TANK: variants seen among roughly 807,000 people sequenced by gnomAD.
TANK encodes TRAF family member-associated NF-kappa-B activator.
TANK carries 15 observed loss-of-function variants against 43.6 expected under a neutral mutation model. The observed-to-expected ratio is 0.34, with a 90% CI of 0.23 to 0.53. The LOEUF is 0.53. Ranked by LOEUF, TANK falls within the 20% of genes least tolerant of loss-of-function variation. The probability of loss-of-function intolerance (pLI) is 0.94; values close to 1 mark genes in which losing one functional copy is unlikely to be tolerated. For missense variants in TANK, 417 were observed against 498.6 expected (o/e 0.84, Z 1.56); for synonymous variants, 162 against 178.2 (o/e 0.91, Z 0.73).
chr2:161,168,599 G>A (rs925688955), intron 1 of TANK, among the ~76,000 whole-genome samples: 2 of 152,172 alleles, frequency 1.3e-5, no homozygotes, highest in Admixed American at 6.5e-5. Flanking sequence ...TTGGGAGGCC[G>A]AGGCAGGCAG....
chr2:161,179,954 G>T (rs1685347726), intron 2 of TANK, 193 bp downstream of exon 2: 1 of 1,263,570 alleles, frequency 7.9e-7, no homozygotes, highest in African/African-American at 1.5e-5. Context: ...CAACCCATAG[G>T]AAGAGTTGAT....
chr2:161,207,976 G>C, intron 4 of TANK: 4 of 876,048 alleles, frequency 4.6e-6, no homozygotes, highest in Non-Finnish European at 4.1e-6. Flanking sequence ...AATTGGCCTA[G>C]CTTCTATAAT....
chr2:161,201,592 G>T (rs1686415244), intron 2 of TANK, among the ~76,000 whole-genome samples: 1 of 152,190 alleles, frequency 6.6e-6, no homozygotes, highest in Admixed American at 6.5e-5. Flanking sequence ...TGTTTGTGAA[G>T]AACTTTGAGT....
intron 2 of TANK, among the ~76,000 whole-genome samples, chr2:161,186,451 C>T (rs1195368866): frequency 6.6e-6 from 1 of 152,122 alleles, no homozygotes. Flanking sequence ...CAAGGGCAGT[C>T]TCTTCAATAA....
chr2:161,179,806 G>T lies in TANK; in HGVS notation c.99+45G>T, dbSNP rs774219628. The T allele has an allele frequency of 1.0e-5, 16 of 1,567,720 alleles. No individual in the cohort carries two copies. In the South Asian group the frequency reaches 1.9e-4, roughly 19 times the overall value. ...AAAGTTATTCTTTATCTTGGTACAT[G>T]GAATTTTAGAGCCTTTTGCATCTGA... On this transcript the variant is annotated intron_variant, in intron 2 of 7. Coordinates refer to ENST00000392749, the MANE Select transcript of TANK (RefSeq NM_001199135.3).
chr2:161,198,003 G>A (rs753849045), intron 2 of TANK, among the ~76,000 whole-genome samples: 28 of 152,120 alleles, frequency 1.8e-4, no homozygotes, highest in Non-Finnish European at 3.1e-4. Context: ...CCTTGTTCCA[G>A]CATCAACTTT....
chr2:161,203,692 A>C, intron 3 of TANK, 97 bp downstream of exon 3: 14 of 710,356 alleles, frequency 2.0e-5, no homozygotes, highest in Non-Finnish European at 2.4e-5. Context: ...GTTGTTTCTC[A>C]ATAGTTTTGA....
At chr2:161,157,859 T>C (rs1485042357), upstream of TANK, among the ~76,000 whole-genome samples, 1 of 152,134 alleles carries the variant, frequency 6.6e-6, no homozygotes, top group Non-Finnish European at 1.5e-5. Context: ...AATTTTTGTA[T>C]TTTCAGCAGA....
chr2:161,224,594 T>G, intron 5 of TANK, 37 bp from the exon 6 acceptor site: 1 of 1,039,630 alleles, frequency 9.6e-7, no homozygotes, highest in South Asian at 1.8e-5. Flanking sequence ...TTGGAAGTTA[T>G]AGCTTTACAT....
intron 4 of TANK, among the ~76,000 whole-genome samples, chr2:161,206,073 G>A (rs75930662): frequency 0.041 from 6,185 of 152,084 alleles, 262 homozygotes; most frequent in East Asian, 0.18. Context: ...CTAGAATTGG[G>A]GAGAAAAGAG....
chr2:161,161,223 G>A (rs1020454152), intron 1 of TANK: 16 of 1,542,372 alleles, frequency 1.0e-5, no homozygotes, highest in Non-Finnish European at 1.4e-5. Context: ...TTATTGTTAT[G>A]CTATAACGAG....
chr2:161,160,335 C>G (rs950217492), upstream of TANK: 3 of 923,314 alleles, frequency 3.2e-6, no homozygotes, highest in Admixed American at 4.3e-5. Flanking sequence ...GCGGAAGGGC[C>G]CTGGCCTTGT....
Position 161,230,938 on chromosome 2 carries a change from G to A in TANK, c.521-33G>A, listed in dbSNP as rs778220664. On this transcript the variant is annotated intron_variant, in intron 6 of 7. Transcript: ENST00000392749. The stretch of plus-strand genomic sequence containing the variant: ...CAGATTTTTTTAATGATTTGAATGC[G>A]GCTGTTTCTCTTTTGTGTTCTTCTC... 44 of 1,506,832 alleles carry A rather than the reference G, an allele frequency of 2.9e-5. No individual in the cohort carries two copies. The East Asian group carries it at 7.7e-4, about 26-fold the overall frequency. The allele number at this position is 1,506,832 out of a possible 1,614,324, so 93.3% of individuals were successfully genotyped here.
chr2:161,140,355 TA>T (rs1305326966), intron 1 of TANK, among the ~76,000 whole-genome samples: 1 of 152,180 alleles, frequency 6.6e-6, no homozygotes, highest in Non-Finnish European at 1.5e-5. Flanking sequence ...GCTTAGAAAT[TA>T]CTCTTTTTAA....
intron 2 of TANK, chr2:161,203,110 A>G: frequency 4.1e-6 from 1 of 242,426 alleles, no homozygotes; most frequent in Non-Finnish European, 8.2e-6. Flanking sequence ...TTTTTAAGTT[A>G]GTATGTATTT....
At chr2:161,168,400 C>T (rs1451163880) in intron 1 of TANK, among the ~76,000 whole-genome samples, 2 of 152,002 alleles carry the variant, frequency 1.3e-5, no homozygotes, top group East Asian at 3.8e-4. Context: ...TTTCCAAGAA[C>T]TGAAGGAGGA....
At chr2:161,170,421 G>A (rs1369554902) in intron 1 of TANK, among the ~76,000 whole-genome samples, 2 of 152,142 alleles carry the variant, frequency 1.3e-5, no homozygotes, top group Admixed American at 6.5e-5. Context: ...TTCTACCTTA[G>A]CAACTGCTAT....
At chr2:161,212,897 G>A in intron 4 of TANK, 1 of 573,636 alleles carries the variant, frequency 1.7e-6, no homozygotes, top group Non-Finnish European at 2.2e-6. Flanking sequence ...GGTTTATTTG[G>A]CTCATGATTT....
intron 2 of TANK, 47 bp downstream of exon 2, chr2:161,179,808 A>G: frequency 5.1e-6 from 8 of 1,569,160 alleles, no homozygotes; most frequent in Non-Finnish European, 6.9e-6. Context: ...TGGTACATGG[A>G]ATTTTAGAGC....
Sources: gnomAD v4.1 joint callset for allele counts (sites outside exome capture counted in the v4.1 genomes callset) on GRCh38, gnomAD v4.1.1 for gene constraint, MANE v1.5 for transcripts, NCBI Gene and HGNC (gene_info 2026-07-23, HGNC 2026-07-21) for gene names.